SRGAP2: variants seen among roughly 807,000 people sequenced by gnomAD.
SRGAP2 encodes SLIT-ROBO Rho GTPase-activating protein 2.
In SRGAP2, 15 loss-of-function variants were observed where a neutral mutation model predicts 57.2. That is an observed-to-expected ratio of 0.26 (90% CI 0.18 to 0.40). The LOEUF (loss-of-function observed/expected upper bound fraction) is 0.40. Ranked by LOEUF, SRGAP2 falls within the 10% of genes least tolerant of loss-of-function variation. The pLI is 1.00. For missense variants in SRGAP2, 520 were observed against 669.6 expected (o/e 0.78, Z 2.47); for synonymous variants, 249 against 248.0 (o/e 1.00, Z -0.04).
At chr1:206,301,281 C>T (rs1424957593) in intron 2 of SRGAP2, among the ~76,000 whole-genome samples, 6 of 152,030 alleles carry the variant, frequency 3.9e-5, no homozygotes, top group East Asian at 1.9e-4. Flanking sequence ...GTGATCCGCC[C>T]GCCTCGGCCT....
chr1:206,393,500 C>T, intron 6 of SRGAP2, 45 bp from the exon 7 acceptor site: 1 of 755,970 alleles, frequency 1.3e-6, no homozygotes, highest in Non-Finnish European at 2.4e-6. Flanking sequence ...AACAAGCCCC[C>T]CTTAAAAAAA....
At chr1:206,307,972 G>A (rs1479795005) in intron 3 of SRGAP2, among the ~76,000 whole-genome samples, 9 of 152,162 alleles carry the variant, frequency 5.9e-5, no homozygotes, top group South Asian at 4.1e-4. Context: ...GGGAGGTGCC[G>A]AGAGCAAGCG....
chr1:206,375,277 C>G (rs1553344119), intron 4 of SRGAP2, among the ~76,000 whole-genome samples: 1 of 151,880 alleles, frequency 6.6e-6, no homozygotes, highest in Non-Finnish European at 1.5e-5. Flanking sequence ...TCTTTTGTCC[C>G]TTATGTCCCA....
intron 12 of SRGAP2, among the ~76,000 whole-genome samples, chr1:206,419,879 A>G (rs1422052231): frequency 5.9e-5 from 9 of 152,072 alleles, no homozygotes; most frequent in Non-Finnish European, 1.3e-4. Flanking sequence ...GGATAATGAA[A>G]TATTACATTG....
intron 4 of SRGAP2, among the ~76,000 whole-genome samples, chr1:206,378,333 T>G (rs2103047568): frequency 6.6e-6 from 1 of 152,208 alleles, no homozygotes; most frequent in Admixed American, 6.5e-5. Context: ...TTACCAAAAT[T>G]AACCAGCATG....
chr1:206,455,956 CA>C (rs1176521691), intron 21 of SRGAP2: 4 of 152,444 alleles, frequency 2.6e-5, no homozygotes, highest in Admixed American at 2.0e-4. Flanking sequence ...CTCTTTCCGC[CA>C]GGCCCTGAAA....
At chr1:206,450,272 A>G (rs1663147011) in intron 18 of SRGAP2, 114 bp from the exon 19 acceptor site, 1 of 667,662 alleles carries the variant, frequency 1.5e-6, no homozygotes, top group Non-Finnish European at 2.8e-6. Context: ...CAGTTAGGAT[A>G]TAGAGAGCAT....
intron 2 of SRGAP2, among the ~76,000 whole-genome samples, chr1:206,277,109 C>A (rs1432064949): frequency 6.6e-6 from 1 of 151,840 alleles, no homozygotes; most frequent in Non-Finnish European, 1.5e-5. Context: ...GGATTACAGG[C>A]ATGTGCCACC....
chr1:206,263,790 ATAAT>A (rs1466377219), intron 2 of SRGAP2, among the ~76,000 whole-genome samples: 2 of 152,232 alleles, frequency 1.3e-5, no homozygotes, highest in Non-Finnish European at 2.9e-5. Flanking sequence ...ATAAACAAAG[ATAAT>A]TAAATATTGA....
At chr1:206,447,809 CCCT>C (rs1268874876) in intron 18 of SRGAP2, among the ~76,000 whole-genome samples, 9 of 152,226 alleles carry the variant, frequency 5.9e-5, no homozygotes, top group African/African-American at 2.2e-4. Context: ...ACCCCTACAG[CCCT>C]GGCCCCTGAG....
rs782452308 is a variant in SRGAP2 at position 206,461,323 on chromosome 1, G to A, written c.3119G>A (p.Arg1040Gln). The change falls in exon 23 of 23, where the codon CGG becomes CAG. Residue 1040 changes from arginine (R) to glutamine (Q), a missense_variant. By Grantham distance (43) the Arg-to-Gln change is conservative. Coordinates refer to ENST00000573034, the MANE Select transcript of SRGAP2 (RefSeq NM_015326.5). ...GCCCCGGTCAAACCACCAGCCACAC[G>A]GCCCAAGCCCACTGTCTTCCCCAAA... The part of the protein sequence containing the change: ...MAAPVKPPAT[R>Q]PKPTVFPKTN... The A allele has an allele frequency of 6.4e-6, 5 of 780,808 alleles. No homozygotes were observed. The highest frequency in any genetic ancestry group is 2.4e-5 in the East Asian group (1 of 41,268). The allele number at this position is 780,808 out of a possible 1,614,324, so 48.4% of individuals were successfully genotyped here.
rs1392141627 is a variant in SRGAP2, at chr1:206,333,540, T to A, written c.261-9306T>A. 3 of 942,948 alleles carry A rather than the reference T, an allele frequency of 3.2e-6. No individual in the cohort carries two copies. The African/African-American group carries it at 5.0e-5, about 16-fold the overall frequency. 58.4% of individuals were successfully genotyped at this position (942,948 alleles called of 1,614,324 possible). ...CTCTACCTCCGTCTCTATTTATTTA[T>A]TTTTTAAGAGACAGGTCCTATGTTG... is the stretch of plus-strand genomic sequence containing the variant. On this transcript the variant is annotated intron_variant, in intron 3 of 22. Transcript: ENST00000573034.
intron 4 of SRGAP2, among the ~76,000 whole-genome samples, chr1:206,370,266 AAAATAAATAAAT>A (rs61162750): frequency 6.6e-6 from 1 of 151,300 alleles, no homozygotes; most frequent in Non-Finnish European, 1.5e-5. Flanking sequence ...ACTCCATCTC[AAAATAAATAAAT>A]AAATAAATAA....
At chr1:206,296,151 C>T (rs1671579292) in intron 2 of SRGAP2, among the ~76,000 whole-genome samples, 3 of 151,208 alleles carry the variant, frequency 2.0e-5, no homozygotes, top group Admixed American at 2.0e-4. Flanking sequence ...TCCTTCTCCC[C>T]ATCTCTCAGC....
intron 10 of SRGAP2, among the ~76,000 whole-genome samples, chr1:206,413,191 T>C (rs1200203444): frequency 6.6e-6 from 1 of 152,250 alleles, no homozygotes; most frequent in East Asian, 1.9e-4. Context: ...CAGTCTGGTC[T>C]TGTTTTGAAG....
intron 2 of SRGAP2, among the ~76,000 whole-genome samples, chr1:206,273,191 C>T (rs1670227430): frequency 6.6e-6 from 1 of 152,070 alleles, no homozygotes; most frequent in African/African-American, 2.4e-5. Context: ...TACAGAAATA[C>T]AGCAGTCAGC....
At chr1:206,287,296 T>C (rs1671079325) in intron 2 of SRGAP2, among the ~76,000 whole-genome samples, 3 of 150,014 alleles carry the variant, frequency 2.0e-5, no homozygotes, top group Non-Finnish European at 4.4e-5. Context: ...TAGATGGCTA[T>C]GAGGAAATGG....
intron 2 of SRGAP2, among the ~76,000 whole-genome samples, chr1:206,251,427 C>CA (rs1259030661): frequency 2.1e-5 from 3 of 145,302 alleles, no homozygotes; most frequent in African/African-American, 7.8e-5. Flanking sequence ...AAGTTTAGGA[C>CA]AGTTTTCTGA....
chr1:206,234,966 T>C (rs1489326361), intron 2 of SRGAP2, among the ~76,000 whole-genome samples: 3 of 150,782 alleles, frequency 2.0e-5, no homozygotes, highest in African/African-American at 7.3e-5. Context: ...AAAAAGACAA[T>C]GTATTTTAAA....
Sources: allele counts gnomAD v4.1 joint callset (sites outside exome capture counted in the v4.1 genomes callset), GRCh38; gene constraint gnomAD v4.1.1; transcripts MANE v1.5; gene names NCBI Gene and HGNC (gene_info 2026-07-23, HGNC 2026-07-21).